Variants in QRICH1 observed in about 807,000 individuals in gnomAD.
The protein encoded by QRICH1 is transcriptional regulator QRICH1.
QRICH1 carries 16 observed loss-of-function variants against 87.1 expected under a neutral mutation model. The ratio of observed to expected loss-of-function variants is 0.18; its 90% CI spans 0.12 to 0.28. The LOEUF (loss-of-function observed/expected upper bound fraction) is 0.28, where lower values mean the gene tolerates loss of function less well. Ranked by LOEUF, QRICH1 falls within the 10% of genes least tolerant of loss-of-function variation. The pLI is 1.00. For missense variants in QRICH1, 647 were observed against 951.7 expected (o/e 0.68, Z 4.21); for synonymous variants, 367 against 368.4 (o/e 1.00, Z 0.05).
intron 5 of QRICH1, among the ~76,000 whole-genome samples, chr3:49,044,920 G>T (rs1483462731): frequency 6.6e-6 from 1 of 152,144 alleles, no homozygotes; most frequent in Non-Finnish European, 1.5e-5. Flanking sequence ...AAGAATGAAA[G>T]CATGTAAAGC....
At chr3:49,065,837 C>A (rs773258883) in intron 2 of QRICH1, among the ~76,000 whole-genome samples, 4 of 152,102 alleles carry the variant, frequency 2.6e-5, no homozygotes, top group Non-Finnish European at 5.9e-5. Flanking sequence ...CCCGCCACCA[C>A]GCCCGCTAAT....
chr3:49,044,537 T>G (rs371506936), intron 5 of QRICH1, 33 bp from the exon 6 acceptor site: 12 of 1,432,896 alleles, frequency 8.4e-6, no homozygotes, highest in Non-Finnish European at 1.1e-5. Context: ...AAGTTATTGG[T>G]AGTCTCCTGA....
chr3:49,080,028 CA>C lies in QRICH1; in HGVS notation c.-21-2991del, dbSNP rs11443291. Among the ~76,000 whole-genome samples the C allele has an allele frequency of 3.7e-3, 506 of 136,460 alleles. 3 individuals are homozygous for C. The highest frequency in any genetic ancestry group is 0.011 in the African/African-American group (401 of 36,114). The allele number at this position is 136,460 out of a possible 152,430, so 89.5% of individuals were successfully genotyped here. ...TGGGCGCCAGACTGAGACTCTATCT[CA>C]AAAAAAAAAAAAAAGGCATCTTTCA... is the stretch of plus-strand genomic sequence containing the variant. On this transcript the variant is annotated intron_variant, in intron 1 of 9. Transcript: ENST00000395443.
At position 49,051,310 on chromosome 3, in the gene QRICH1, T is replaced by C. The variant is rs192982171; in HGVS notation, c.1339-4064A>G. On this transcript the variant is annotated intron_variant, in intron 3 of 9. Coordinates refer to ENST00000395443, the MANE Select transcript of QRICH1 (RefSeq NM_198880.3). Reference sequence around the variant, plus strand: ...TGGACCTTTCTGGCACATCCAACAATGTCACTCACAACATTGTCCTTTGCA... The same window carrying C: ...TGGACCTTTCTGGCACATCCAACAACGTCACTCACAACATTGTCCTTTGCA... 4.2e-4 allele frequency among the ~76,000 whole-genome samples: 64 copies of C among 152,242 alleles called. 1 individual carries two copies. The highest frequency in any genetic ancestry group is 6.8e-3 in the Middle Eastern group (2 of 294).
chr3:49,063,651 C>A (rs761778334), intron 2 of QRICH1, among the ~76,000 whole-genome samples: 1 of 151,984 alleles, frequency 6.6e-6, no homozygotes, highest in African/African-American at 2.4e-5. Flanking sequence ...ATTACCTGGG[C>A]GTGGACACAC....
At chr3:49,093,216 G>A (rs1233076873) in intron 1 of QRICH1, 3 of 152,152 alleles carry the variant, frequency 2.0e-5, no homozygotes, top group African/African-American at 7.2e-5. Flanking sequence ...CTTGGTTTCC[G>A]AAGCAGAGAA....
At position 49,078,386 on chromosome 3, in the gene QRICH1, C is replaced by CTTT. The variant is rs60933196; in HGVS notation, c.-21-1351_-21-1349dup. Among the ~76,000 whole-genome samples, 135 of 69,848 alleles carry CTTT rather than the reference C, an allele frequency of 1.9e-3. 21 individuals carry two copies. Among genetic ancestry groups the CTTT allele is most frequent in the Admixed American group, 4.7e-3 (20 of 4,246 alleles). 45.8% of individuals were successfully genotyped at this position (69,848 alleles called of 152,430 possible). On this transcript the variant is annotated intron_variant, in intron 1 of 9. Coordinates refer to ENST00000395443, the MANE Select transcript of QRICH1 (RefSeq NM_198880.3). ...TGTGGAAAACGAAGAATTATGGTTCCTTTTTTTTTTTTTTTTTTTTTTTTT... is the reference window on the plus strand; with the variant it reads ...TGTGGAAAACGAAGAATTATGGTTCCTTTTTTTTTTTTTTTTTTTTTTTTTTTT...
chr3:49,054,006 TCATCTTTCCCTTGG>T (rs1479120208), intron 3 of QRICH1, among the ~76,000 whole-genome samples: 53 of 152,288 alleles, frequency 3.5e-4, no homozygotes, highest in African/African-American at 1.0e-3. Flanking sequence ...ATAGACAAAC[TCATCTTTCCCTTGG>T]CATCTTTCCC....
intron 6 of QRICH1, 37 bp from the exon 7 acceptor site, chr3:49,033,265 G>A (rs952203911): frequency 1.5e-6 from 2 of 1,351,150 alleles, no homozygotes; most frequent in Non-Finnish European, 2.0e-6. Flanking sequence ...CAAGAGGATG[G>A]CAGGTGGTCT....
At chr3:49,052,672 TTTTTTA>T (rs2093378146) in intron 3 of QRICH1, among the ~76,000 whole-genome samples, 1 of 152,078 alleles carries the variant, frequency 6.6e-6, no homozygotes, top group Non-Finnish European at 1.5e-5. Flanking sequence ...ATTTTTTTAT[TTTTTTA>T]TTTTTTAGTA....
chr3:49,057,811 T>C lies in QRICH1; in HGVS notation c.389A>G (p.Glu130Gly). Residue 130 changes from glutamate to glycine, a missense_variant, in exon 3 of 10, where the codon GAG becomes GGG. This residue lies in a region of QRICH1 where 156 missense variants were observed against 164.5 expected (regional missense o/e 0.95). Coordinates refer to ENST00000395443, the MANE Select transcript of QRICH1 (RefSeq NM_198880.3). The surrounding 1 kb of genome is among the most constrained non-coding windows in gnomAD (Gnocchi z 5.4). ...SPQLTVHQPT[E>G]QPIQVQVQIQ... ...CTGCACCTGGACCTGGATGGGTTGC[T>C]CAGTAGGCTGGTGAACGGTGAGTTG... 6.2e-7 allele frequency: 1 copy of C among 1,613,982 alleles called. No homozygotes were observed. The highest frequency in any genetic ancestry group is 8.5e-7 in the Non-Finnish European group (1 of 1,179,998).
rs1477350264 is a variant in QRICH1 at position 49,032,722 on chromosome 3, C to G, written c.1947G>C (p.Lys649Asn). Residue 649 changes from lysine (K) to asparagine (N), a missense_variant, in exon 8 of 10, where the codon AAG becomes AAC. Lys to Asn is a moderately conservative substitution (Grantham distance 94). Coordinates refer to ENST00000395443, the MANE Select transcript of QRICH1 (RefSeq NM_198880.3). ...VDQHMKLAFSKVLRQTKKNPS... is the reference protein window; with the variant it reads ...VDQHMKLAFSNVLRQTKKNPS... The stretch of plus-strand genomic sequence containing the variant: ...GGTTCTTCTTTGTCTGTCGCAAGAC[C>G]TTGGAGAAGGCCAGCTTCATGTGCT... 6.2e-7 allele frequency: 1 copy of G among 1,610,802 alleles called. No individual in the cohort carries two copies. Among genetic ancestry groups the G allele is most frequent in the East Asian group, 2.2e-5 (1 of 44,722 alleles).
Position 49,044,465 on chromosome 3 carries a change from C to G in QRICH1, c.1711G>C (p.Asp571His). 1 of 1,613,104 alleles carries G rather than the reference C, an allele frequency of 6.2e-7. No homozygotes were observed. Among genetic ancestry groups the G allele is most frequent in the Non-Finnish European group, 8.5e-7 (1 of 1,179,600 alleles). ...ENGRVDDIFSDLYYVRFTEWL... is the reference protein window; with the variant it reads ...ENGRVDDIFSHLYYVRFTEWL... ...TCCGTGAACCGAACATAATAAAGATCGGAGAAAATGTCATCTACCCTTCCA... is the reference window on the plus strand; with the variant it reads ...TCCGTGAACCGAACATAATAAAGATGGGAGAAAATGTCATCTACCCTTCCA... The change falls in exon 6 of 10, where the codon GAT becomes CAT. Residue 571 changes from aspartate (D) to histidine (H), a missense_variant. Coordinates refer to ENST00000395443, the MANE Select transcript of QRICH1 (RefSeq NM_198880.3).
intron 6 of QRICH1, among the ~76,000 whole-genome samples, chr3:49,041,431 A>C (rs933000699): frequency 4.0e-5 from 6 of 151,814 alleles, no homozygotes; most frequent in Non-Finnish European, 1.5e-5. Flanking sequence ...GGGCTCAAGC[A>C]ATCCTCTCAC....
intron 6 of QRICH1, among the ~76,000 whole-genome samples, chr3:49,035,669 A>C (rs989195426): frequency 5.9e-5 from 9 of 151,972 alleles, no homozygotes; most frequent in East Asian, 1.9e-4. Context: ...ACAAAAAAAA[A>C]CAGCTGAGTG....
chr3:49,034,309 G>A (rs572662951), intron 6 of QRICH1, among the ~76,000 whole-genome samples: 20 of 151,874 alleles, frequency 1.3e-4, no homozygotes, highest in African/African-American at 4.6e-4. Context: ...TCGTGTGATG[G>A]TGCACATCTG....
chr3:49,050,211 T>C (rs1190175163), intron 3 of QRICH1, among the ~76,000 whole-genome samples: 1 of 129,392 alleles, frequency 7.7e-6, no homozygotes, highest in African/African-American at 3.0e-5. Flanking sequence ...ATTGTGCCAC[T>C]GCAATCCGGC....
chr3:49,074,508 C>A (rs2041910116), intron 2 of QRICH1, among the ~76,000 whole-genome samples: 1 of 151,498 alleles, frequency 6.6e-6, no homozygotes. Flanking sequence ...GGAGGCGGAG[C>A]TTGCAGAGAG....
intron 2 of QRICH1, among the ~76,000 whole-genome samples, chr3:49,059,927 C>T (rs1251605464): frequency 1.3e-5 from 2 of 151,676 alleles, no homozygotes. Flanking sequence ...CTCTATCGCC[C>T]AGGCTAGAGT....
Sources: gnomAD v4.1 joint callset for allele counts (sites outside exome capture counted in the v4.1 genomes callset) on GRCh38, gnomAD v4.1.1 for gene constraint, gnomAD v4.1.1 regional missense constraint, Gnocchi (gnomAD v3.1) non-coding constraint, MANE v1.5 for transcripts, NCBI Gene and HGNC (gene_info 2026-07-23, HGNC 2026-07-21) for gene names.